TEP1: variants seen among roughly 807,000 people sequenced by gnomAD.
The protein encoded by TEP1 is telomerase protein component 1.
Under a neutral mutation model 306.3 loss-of-function variants are expected in TEP1, and 241 were observed. That is an observed-to-expected ratio of 0.79 (90% confidence interval 0.71 to 0.88). The LOEUF is 0.88. TEP1 is among the 40% of genes least tolerant of loss of function. TEP1 has a pLI of 0.00. For missense variants in TEP1, 3,051 were observed against 3,276.1 expected, an observed-to-expected ratio of 0.93 and a Z score of 1.68; for synonymous variants, 1,289 against 1,305.5, an observed-to-expected ratio of 0.99 and a Z score of 0.27.
At chr14:20,382,749 G>C in intron 27 of TEP1, 34 bp from the exon 28 acceptor site, 1 of 1,606,132 alleles carries the variant, frequency 6.2e-7, no homozygotes, top group Non-Finnish European at 8.5e-7. Flanking sequence ...TGGGGTCCAG[G>C]AGGGCTGCCC....
chr14:20,380,429 A>T lies in TEP1; in HGVS notation c.4809T>A (p.Val1603=). 1 of 1,614,138 alleles carries T rather than the reference A, an allele frequency of 6.2e-7. No homozygotes were observed. Among genetic ancestry groups the T allele is most frequent in the South Asian group, 1.1e-5 (1 of 91,078 alleles). ...GCCTCAGGAAGGTGCGAAACACTGC[A>T]ACGTCAGCCTCGGGGAGCTTTTGTT... ...KEEQKLPEAD[V]AVFRTFLRQQ... The change falls in exon 34 of 55, where the codon GTT becomes GTA. Residue 1603 remains valine (V), a synonymous_variant. Coordinates refer to ENST00000262715, the MANE Select transcript of TEP1 (RefSeq NM_007110.5).
At chr14:20,371,447 CT>C in intron 50 of TEP1, 41 bp downstream of exon 50, 4 of 1,607,982 alleles carry the variant, frequency 2.5e-6, no homozygotes, top group South Asian at 2.2e-5. Flanking sequence ...CTCAGGTTTC[CT>C]TTTTCCCCAG....
In TEP1 at chr14:20,383,416, C is replaced by G. The variant is rs896425710; in HGVS notation, c.3868-63G>C. 1.2e-5 allele frequency: 20 copies of G among 1,607,114 alleles called. No homozygotes were observed. In the African/African-American group the frequency reaches 2.4e-4, roughly 19 times the overall value. ...AAAAGGAGAACCACATTGGAGAGGCCTCTCTCCTCCGTGCCGTATCCCTCC... is the reference window on the plus strand; with the variant it reads ...AAAAGGAGAACCACATTGGAGAGGCGTCTCTCCTCCGTGCCGTATCCCTCC... On this transcript the variant is annotated intron_variant, in intron 26 of 54. Coordinates refer to ENST00000262715, the MANE Select transcript of TEP1 (RefSeq NM_007110.5).
chr14:20,399,433 A>G (rs1241470758), intron 9 of TEP1, among the ~76,000 whole-genome samples: 1 of 152,120 alleles, frequency 6.6e-6, no homozygotes, highest in Non-Finnish European at 1.5e-5. Flanking sequence ...AAAAATGTTA[A>G]TGAGTTATTA....
At chr14:20,412,889 A>C (rs1879785010) in intron 1 of TEP1, among the ~76,000 whole-genome samples, 1 of 151,558 alleles carries the variant, frequency 6.6e-6, no homozygotes, top group African/African-American at 2.4e-5. Flanking sequence ...CAAACTCCTG[A>C]CCTCAGGTGA....
intron 1 of TEP1, among the ~76,000 whole-genome samples, chr14:20,411,146 A>G (rs112557532): frequency 1.3e-3 from 198 of 151,222 alleles, no homozygotes; most frequent in African/African-American, 4.6e-3. Context: ...CTGAAATACA[A>G]CTCCTTAAGG....
At position 20,389,309 on chromosome 14, in the gene TEP1, A is replaced by G. The variant is rs763689393; in HGVS notation, c.2466-12T>C. On this transcript the variant is annotated splice_polypyrimidine_tract_variant and intron_variant, in intron 16 of 54. Transcript: ENST00000262715. ...TCAAATCTGTTGACCTGGCAAAGGA[A>G]GAAGCAGTCATTAACCATCACAAAC... 3 of 1,614,164 alleles carry G rather than the reference A, an allele frequency of 1.9e-6. No homozygotes were observed. The highest frequency in any genetic ancestry group is 2.2e-5 in the East Asian group (1 of 44,892).
intron 12 of TEP1, among the ~76,000 whole-genome samples, chr14:20,394,101 A>T (rs1258124110): frequency 2.6e-5 from 4 of 151,422 alleles, no homozygotes; most frequent in Non-Finnish European, 5.9e-5. Context: ...AAAAAAAGGG[A>T]CAGGGTCTTC....
rs771907123 is a variant in TEP1 at position 20,375,829 on chromosome 14, C to T, written c.6289G>A (p.Val2097Ile). The T allele has an allele frequency of 3.7e-6, 6 of 1,613,676 alleles. No individual in the cohort carries two copies. The highest frequency in any genetic ancestry group is 5.1e-6 in the Non-Finnish European group (6 of 1,179,980). ...CAGGCAGGGAAGGAGTGGATCAAAA[C>T]AGGGGTTTTGGGTGTCCTCACGTCC... Reference protein sequence around the residue: ...CWDVRTPKTPVLIHSFPACHR... With the variant: ...CWDVRTPKTPILIHSFPACHR... Residue 2097 changes from valine to isoleucine, a missense_variant, in exon 43 of 55, where the codon GTT becomes ATT. Val to Ile is a conservative substitution (Grantham distance 29). Transcript: ENST00000262715.
Position 20,378,455 on chromosome 14 carries a change from C to G in TEP1, c.5433G>C (p.Glu1811Asp), listed in dbSNP as rs1231902643. The change falls in exon 38 of 55, where the codon GAG (glutamate) becomes GAC (aspartate). Residue 1811 changes from glutamate to aspartate, a missense_variant. By Grantham distance (45) the Glu-to-Asp change is conservative (BLOSUM62 2). Transcript: ENST00000262715. ...AGCTGCCTGTGGCTATTACCTGCCC[C>G]TCTGGGTGGAAGGCAACACAGTTCA... ...KSLNCVAFHP[E>D]GQVIATGSWA... The G allele has an allele frequency of 6.2e-7, 1 of 1,614,264 alleles. No individual in the cohort carries two copies. Among genetic ancestry groups the G allele is most frequent in the African/African-American group, 1.3e-5 (1 of 75,078 alleles).
At position 20,384,783 on chromosome 14, in the gene TEP1, G is replaced by A; in HGVS notation, c.3108-70C>T. ...GCCAGCCTCCCTCCACCAACCACCA[G>A]ACATAGCTGTAATTTCCTGAAGCTC... On this transcript the variant is annotated intron_variant, in intron 21 of 54. Coordinates refer to ENST00000262715, the MANE Select transcript of TEP1 (RefSeq NM_007110.5). 8 of 1,520,308 alleles carry A rather than the reference G, an allele frequency of 5.3e-6. No individual in the cohort carries two copies. The South Asian group carries it at 9.3e-5, about 18-fold the overall frequency. 94.2% of individuals were successfully genotyped at this position (1,520,308 alleles called of 1,614,324 possible).
At position 20,403,388 on chromosome 14, in the gene TEP1, C is replaced by T. The variant is rs571269554; in HGVS notation, c.1255G>A (p.Glu419Lys). ...AAGAAGGGACTCACCTTTCTCTGCT[C>T]TTCTCTGAGAAACCCTATGTACCTT... is the stretch of plus-strand genomic sequence containing the variant. ...FPRYIGFLREEQRKFEKAGDT... is the reference protein window; with the variant it reads ...FPRYIGFLREKQRKFEKAGDT... Residue 419 changes from glutamate to lysine, a missense_variant, in exon 7 of 55, where the codon GAG becomes AAG. Transcript: ENST00000262715. 2.0e-5 allele frequency: 33 copies of T among 1,614,162 alleles called. No individual in the cohort carries two copies. The South Asian group carries it at 3.4e-4, about 17-fold the overall frequency.
chr14:20,408,320 G>A lies in TEP1; in HGVS notation c.120C>T (p.Thr40=), dbSNP rs202226129. 1.2e-6 allele frequency: 2 copies of A among 1,613,502 alleles called. No homozygotes were observed. The highest frequency in any genetic ancestry group is 1.7e-6 in the Non-Finnish European group (2 of 1,179,910). Residue 40 remains threonine (T), a synonymous_variant, in exon 2 of 55, where the codon ACC becomes ACT. Transcript: ENST00000262715. ...PLEKLHQHVS[T]HSDILSLKNQ... is the part of the protein sequence containing the mutation. The stretch of plus-strand genomic sequence containing the variant: ...TCTTCAAGGAGAGGATATCTGAGTG[G>A]GTAGATACATGCTGATGTAGTTTCT...
intron 43 of TEP1, 51 bp downstream of exon 43, chr14:20,375,703 CT>C: frequency 8.1e-7 from 1 of 1,239,286 alleles, no homozygotes; most frequent in Non-Finnish European, 1.2e-6. Flanking sequence ...GGAGTGTTGT[CT>C]TGCCCCAGGA....
chr14:20,411,558 T>G (rs572419968), intron 1 of TEP1, among the ~76,000 whole-genome samples: 14 of 152,328 alleles, frequency 9.2e-5, no homozygotes, highest in Non-Finnish European at 1.9e-4. Context: ...CTGTTTGTCT[T>G]TCTTCCCAAT....
At chr14:20,403,700 C>A (rs760223383) in intron 6 of TEP1, 23 bp downstream of exon 6, 3 of 1,612,622 alleles carry the variant, frequency 1.9e-6, no homozygotes, top group Non-Finnish European at 1.7e-6. Flanking sequence ...GGGCGTGGGT[C>A]GAGGGCTGGG....
In TEP1 at chr14:20,380,487, T is replaced by G; in HGVS notation, c.4763-12A>C. 1 of 1,604,506 alleles carries G rather than the reference T, an allele frequency of 6.2e-7. No homozygotes were observed. Among genetic ancestry groups the G allele is most frequent in the South Asian group, 1.1e-5 (1 of 90,524 alleles). On this transcript the variant is annotated splice_polypyrimidine_tract_variant and intron_variant, in intron 33 of 54. Transcript: ENST00000262715. ...GGGGACTGAAGAAGCTATAAAAGGG[T>G]GGCAGAATGTCACTGGGGAGCCAGC...
intron 49 of TEP1, 52 bp downstream of exon 49, chr14:20,372,681 A>G (rs1210034225): frequency 6.2e-7 from 1 of 1,611,378 alleles, no homozygotes; most frequent in Non-Finnish European, 8.5e-7. Flanking sequence ...GTAAAATGCC[A>G]GGAGTGAGGA....
rs1333861741 is a variant in TEP1, at chr14:20,367,284, A to C, written c.*1153T>G. The C allele has an allele frequency of 6.7e-6, 1 of 150,002 alleles. No homozygotes were observed. The highest frequency in any genetic ancestry group is 1.5e-5 in the Non-Finnish European group (1 of 67,828). 9.3% of individuals were successfully genotyped at this position (150,002 alleles called of 1,614,324 possible). On this transcript the variant is annotated 3_prime_UTR_variant, in exon 55 of 55. Coordinates refer to ENST00000262715, the MANE Select transcript of TEP1 (RefSeq NM_007110.5). ...AGGCTAAGGCAGGAGAATCGCTTGA[A>C]CCCAGGAAGCAGAGGTTGCACTGAG...
Sources: gnomAD v4.1 joint callset for allele counts (sites outside exome capture counted in the v4.1 genomes callset) on GRCh38, gnomAD v4.1.1 for gene constraint, MANE v1.5 for transcripts, NCBI Gene and HGNC (gene_info 2026-07-23, HGNC 2026-07-21) for gene names.